The following KALRN variants were observed in gnomAD, a reference collection of about 807,000 sequenced individuals.
KALRN encodes kalirin.
Under a neutral mutation model 353.7 loss-of-function variants are expected in KALRN, and 70 were observed. That is an observed-to-expected ratio of 0.20 (90% CI 0.16 to 0.24). The LOEUF (loss-of-function observed/expected upper bound fraction) is 0.24. Ranked by LOEUF, KALRN falls within the 10% of genes least tolerant of loss-of-function variation. The pLI, the probability that KALRN is intolerant of heterozygous loss-of-function variation, is 1.00. For synonymous variants in KALRN, 1,391 were observed against 1,434.8 expected (o/e 0.97, Z 0.69); for missense variants, 2,791 against 3,756.7 (o/e 0.74, Z 6.72).
intron 3 of KALRN, 22 bp downstream of exon 3, chr3:124,234,965 T>A: frequency 1.9e-6 from 3 of 1,552,806 alleles, no homozygotes; most frequent in Non-Finnish European, 2.6e-6. Flanking sequence ...GGGAATGGCC[T>A]GCAGGGGAGC....
At chr3:124,155,170 G>A (rs1053372655) in intron 1 of KALRN, among the ~76,000 whole-genome samples, 2 of 152,030 alleles carry the variant, frequency 1.3e-5, no homozygotes, top group African/African-American at 2.4e-5. Flanking sequence ...AAGAAAACCT[G>A]GCCATTACCA....
chr3:124,566,322 G>A (rs113714881), intron 34 of KALRN, among the ~76,000 whole-genome samples: 3 of 152,158 alleles, frequency 2.0e-5, no homozygotes, highest in African/African-American at 7.2e-5. Flanking sequence ...GCAACATGGC[G>A]AAACCCTGTC....
At chr3:124,165,504 C>T (rs1035287551) in intron 1 of KALRN, among the ~76,000 whole-genome samples, 1 of 152,170 alleles carries the variant, frequency 6.6e-6, no homozygotes, top group Non-Finnish European at 1.5e-5. Context: ...ACCTATCCAC[C>T]TCCATAGCAA....
chr3:124,446,727 CTTTT>C (rs35795340), intron 20 of KALRN, 32 bp from the exon 21 acceptor site: 1 of 1,612,950 alleles, frequency 6.2e-7, no homozygotes, highest in Admixed American at 1.7e-5. Context: ...TGACAGCTGC[CTTTT>C]TGGGGACTGG....
chr3:124,638,514 C>G (rs908862941), intron 37 of KALRN, among the ~76,000 whole-genome samples: 1 of 152,164 alleles, frequency 6.6e-6, no homozygotes, highest in African/African-American at 2.4e-5. Context: ...CCTCTCCACA[C>G]CAACCTATAT....
At chr3:124,114,345 C>A (rs545349490) in intron 1 of KALRN, among the ~76,000 whole-genome samples, 1 of 152,258 alleles carries the variant, frequency 6.6e-6, no homozygotes, top group African/African-American at 2.4e-5. Flanking sequence ...ATGCCGTGGG[C>A]TCACATCTGA....
At chr3:124,190,642 A>G (rs1227258459) in intron 1 of KALRN, among the ~76,000 whole-genome samples, 3 of 152,174 alleles carry the variant, frequency 2.0e-5, no homozygotes, top group African/African-American at 7.2e-5. Context: ...AACAGTTGGA[A>G]TGGGTGGGAA....
At chr3:124,082,167 G>C (rs1424825838) in intron 1 of KALRN, 1 of 434,688 alleles carries the variant, frequency 2.3e-6, no homozygotes, top group Non-Finnish European at 4.8e-6. Flanking sequence ...TCCCGGGCTG[G>C]GGTTTGGCAG....
At chr3:124,357,332 A>G (rs1031989943) in intron 10 of KALRN, among the ~76,000 whole-genome samples, 1 of 152,190 alleles carries the variant, frequency 6.6e-6, no homozygotes, top group Non-Finnish European at 1.5e-5. Context: ...CGCTGCCACA[A>G]CAGTGGCTTC....
chr3:124,056,338 G>T (rs1490612613), intron 1 of KALRN, among the ~76,000 whole-genome samples: 1 of 152,148 alleles, frequency 6.6e-6, no homozygotes, highest in Admixed American at 6.5e-5. Context: ...GAGTCGTCTG[G>T]CTGCCTTGTG....
At chr3:124,177,211 G>A (rs911989532) in intron 1 of KALRN, among the ~76,000 whole-genome samples, 1 of 152,198 alleles carries the variant, frequency 6.6e-6, no homozygotes, top group African/African-American at 2.4e-5. Flanking sequence ...CTCTGTGCAG[G>A]ATGGAGAACT....
chr3:124,109,355 CTG>C (rs1237957243), intron 1 of KALRN, among the ~76,000 whole-genome samples: 1 of 151,398 alleles, frequency 6.6e-6, no homozygotes, highest in African/African-American at 2.4e-5. Context: ...CTCTTTTTAG[CTG>C]TGTCTAATCT....
chr3:124,174,874 C>T (rs1056437497), intron 1 of KALRN, among the ~76,000 whole-genome samples: 9 of 152,196 alleles, frequency 5.9e-5, no homozygotes, highest in South Asian at 4.1e-4. Context: ...GAGGATAGCT[C>T]GGTTTCCGTA....
intron 5 of KALRN, among the ~76,000 whole-genome samples, chr3:124,279,771 C>T (rs1210563632): frequency 2.0e-5 from 3 of 152,188 alleles, no homozygotes; most frequent in African/African-American, 7.2e-5. Flanking sequence ...TCAGGCCTGG[C>T]CATGTTGGAG....
rs375266155 is a variant in KALRN, at chr3:124,616,896, C to T, written c.5183-15524C>T. The stretch of plus-strand genomic sequence containing the variant: ...AGGAGAATGGCGTGAACCCAGGAGG[C>T]GGAGCTTGCAGTGAGCTGAGATTGC... On this transcript the variant is annotated intron_variant, in intron 34 of 59. Transcript: ENST00000682506. 7.2e-4 allele frequency among the ~76,000 whole-genome samples: 108 copies of T among 149,880 alleles called. 2 individuals carry two copies. In the East Asian group the frequency reaches 0.02, roughly 28 times the overall value.
chr3:124,668,043 GACACACACACACACACACACACAC>G (rs55672121), intron 47 of KALRN, among the ~76,000 whole-genome samples: 4,198 of 138,422 alleles, frequency 0.03, 86 homozygotes, highest in East Asian at 0.085. Context: ...TGTATATCGA[GACACACACACACACACACACACAC>G]ACACACACAC....
chr3:124,467,492 G>A (rs377358699), intron 25 of KALRN, among the ~76,000 whole-genome samples: 3 of 152,174 alleles, frequency 2.0e-5, no homozygotes, highest in East Asian at 3.9e-4. Flanking sequence ...GGAGAAGGGG[G>A]CATTTGAGAT....
intron 1 of KALRN, among the ~76,000 whole-genome samples, chr3:124,071,721 C>A (rs754942544): frequency 5.9e-5 from 9 of 152,154 alleles, no homozygotes; most frequent in Non-Finnish European, 1.3e-4. Flanking sequence ...ATAATTTAGT[C>A]ACTTCTTGAA....
intron 5 of KALRN, among the ~76,000 whole-genome samples, chr3:124,289,699 T>C (rs1266790561): frequency 6.6e-6 from 1 of 152,218 alleles, no homozygotes; most frequent in East Asian, 1.9e-4. Context: ...AGAGTCCAAT[T>C]TATCTTCATC....
Sources: allele counts gnomAD v4.1 joint callset (sites outside exome capture counted in the v4.1 genomes callset), GRCh38; gene constraint gnomAD v4.1.1; transcripts MANE v1.5; gene names NCBI Gene and HGNC (gene_info 2026-07-23, HGNC 2026-07-21).